LSM12: variants seen among roughly 807,000 people sequenced by gnomAD.
LSM12 encodes the protein protein LSM12.
For missense variants in LSM12, 108 were observed against 238.9 expected (o/e 0.45, Z 3.61); for synonymous variants, 74 against 87.3 (o/e 0.85, Z 0.85).
At chr17:44,062,331 G>C (rs2049808594) in intron 2 of LSM12, among the ~76,000 whole-genome samples, 1 of 151,994 alleles carries the variant, frequency 6.6e-6, no homozygotes. Context: ...TCCCAGGTTG[G>C]ACTACAAATG....
chr17:44,062,412 G>A lies in LSM12; in HGVS notation c.258+1389C>T, dbSNP rs114674630. Among the ~76,000 whole-genome samples, 569 of 152,226 alleles carry A rather than the reference G, an allele frequency of 3.7e-3. 4 individuals carry two copies. The highest frequency in any genetic ancestry group is 0.012 in the African/African-American group (510 of 41,526). On this transcript the variant is annotated intron_variant, in intron 2 of 4. Coordinates refer to ENST00000293406, the MANE Select transcript of LSM12 (RefSeq NM_001371445.1). ...TAATGCAGGCAAATTACTTCAGCCTGGGTGATCAGAGAAGACTTCTTGGAA... is the reference window on the plus strand; with the variant it reads ...TAATGCAGGCAAATTACTTCAGCCTAGGTGATCAGAGAAGACTTCTTGGAA...
chr17:44,066,751 GAA>G, upstream of LSM12: 2 of 887,678 alleles, frequency 2.3e-6, no homozygotes, highest in Non-Finnish European at 2.9e-6. Context: ...GAGTGGGAAA[GAA>G]GAGGAAATAA....
intron 2 of LSM12, among the ~76,000 whole-genome samples, chr17:44,054,089 A>G (rs572824092): frequency 4.6e-4 from 70 of 152,176 alleles, no homozygotes; most frequent in Non-Finnish European, 9.0e-4. Context: ...GAGGACAACA[A>G]TTCTCCTACT....
chr17:44,047,065 A>T (rs1336069354), intron 2 of LSM12, among the ~76,000 whole-genome samples: 1 of 151,984 alleles, frequency 6.6e-6, no homozygotes, highest in Non-Finnish European at 1.5e-5. Context: ...CCACCTACTC[A>T]CCAACACTGG....
At chr17:44,050,429 A>G (rs2049628103) in intron 2 of LSM12, among the ~76,000 whole-genome samples, 1 of 151,776 alleles carries the variant, frequency 6.6e-6, no homozygotes, top group African/African-American at 2.4e-5. Context: ...ATTCTTAGCT[A>G]GCAACAAATA....
chr17:44,058,153 C>G (rs1023568538), intron 2 of LSM12, among the ~76,000 whole-genome samples: 6 of 151,648 alleles, frequency 4.0e-5, no homozygotes, highest in Non-Finnish European at 7.4e-5. Flanking sequence ...AGGAGAATGG[C>G]GTGAACCCAG....
At chr17:44,055,507 CAAAAAAAAAAA>C (rs893366294) in intron 2 of LSM12, among the ~76,000 whole-genome samples, 11 of 65,000 alleles carry the variant, frequency 1.7e-4, no homozygotes, top group South Asian at 1.6e-3. Context: ...ACCAAAAATA[CAAAAAAAAAAA>C]AAAAAAAAAT....
intron 2 of LSM12, among the ~76,000 whole-genome samples, chr17:44,055,655 TGA>T (rs2049702219): frequency 6.8e-6 from 1 of 146,464 alleles, no homozygotes; most frequent in Non-Finnish European, 1.5e-5. Flanking sequence ...CTAGCCTGGG[TGA>T]GAGTGAGACC....
intron 1 of LSM12, among the ~76,000 whole-genome samples, chr17:44,065,373 G>A (rs1017670657): frequency 5.9e-5 from 9 of 151,300 alleles, no homozygotes; most frequent in South Asian, 2.1e-4. Context: ...CCAGGGAGTC[G>A]GAGGTTGCAG....
At chr17:44,057,437 C>A (rs113062723) in intron 2 of LSM12, among the ~76,000 whole-genome samples, 7 of 150,412 alleles carry the variant, frequency 4.7e-5, no homozygotes, top group African/African-American at 1.7e-4. Context: ...CGTGAGCCAC[C>A]GTGCCTGGGT....
intron 2 of LSM12, among the ~76,000 whole-genome samples, chr17:44,042,566 ATTTTTT>A (rs72404001): frequency 8.7e-6 from 1 of 115,412 alleles, no homozygotes; most frequent in East Asian, 2.7e-4. Flanking sequence ...CCCCCAGCTA[ATTTTTT>A]TTTTTTTTTT....
rs1039218186 is a variant in LSM12, at chr17:44,060,022, G to A, written c.258+3779C>T. ...TACTAAAAATACAAAAAAATTAGCCGGACATGGTGGCGGGCGCCTGTAGTC... is the reference window on the plus strand; with the variant it reads ...TACTAAAAATACAAAAAAATTAGCCAGACATGGTGGCGGGCGCCTGTAGTC... On this transcript the variant is annotated intron_variant, in intron 2 of 4. Transcript: ENST00000293406. Among the ~76,000 whole-genome samples, 9 of 151,950 alleles carry A rather than the reference G, an allele frequency of 5.9e-5. No homozygotes were observed. In the East Asian group the frequency reaches 9.7e-4, roughly 16 times the overall value.
chr17:44,054,344 C>G (rs1387474256), intron 2 of LSM12, among the ~76,000 whole-genome samples: 1 of 152,160 alleles, frequency 6.6e-6, no homozygotes, highest in Non-Finnish European at 1.5e-5. Flanking sequence ...CAGGGTCTCA[C>G]TCTGTCACCC....
At chr17:44,041,326 C>CACACAA (rs1555623720) in intron 2 of LSM12, among the ~76,000 whole-genome samples, 191 of 142,414 alleles carry the variant, frequency 1.3e-3, no homozygotes, top group African/African-American at 4.2e-3. Flanking sequence ...CACACACACA[C>CACACAA]ACACACAAAC....
chr17:44,060,152 A>G (rs1468479465), intron 2 of LSM12, among the ~76,000 whole-genome samples: 1 of 151,998 alleles, frequency 6.6e-6, no homozygotes, highest in Non-Finnish European at 1.5e-5. Context: ...GCGACAGAGC[A>G]AGACTTCGTC....
chr17:44,046,649 G>C (rs2049570396), intron 2 of LSM12, among the ~76,000 whole-genome samples: 1 of 144,198 alleles, frequency 6.9e-6, no homozygotes, highest in South Asian at 2.4e-4. Flanking sequence ...GGAGCTTGCA[G>C]TGAGCTGAGA....
intron 2 of LSM12, among the ~76,000 whole-genome samples, chr17:44,042,039 T>C (rs9889226): frequency 0.91 from 138,621 of 152,282 alleles, 63,196 homozygotes; most frequent in East Asian, 1. Context: ...ATAATCCCAG[T>C]ACTTTGTGAG....
intron 3 of LSM12, among the ~76,000 whole-genome samples, chr17:44,037,935 C>T (rs556781098): frequency 6.6e-6 from 1 of 152,310 alleles, no homozygotes; most frequent in South Asian, 2.1e-4. Context: ...ACAACTAGCA[C>T]TGAGTTCTGC....
At chr17:44,052,130 TAGCC>T (rs2049652703) in intron 2 of LSM12, among the ~76,000 whole-genome samples, 1 of 151,514 alleles carries the variant, frequency 6.6e-6, no homozygotes, top group South Asian at 2.1e-4. Context: ...AAGTTTAAAT[TAGCC>T]AGGCACGGTG....
Sources: gnomAD v4.1 joint callset for allele counts (sites outside exome capture counted in the v4.1 genomes callset) on GRCh38, gnomAD v4.1.1 for gene constraint, MANE v1.5 for transcripts, NCBI Gene and HGNC (gene_info 2026-07-23, HGNC 2026-07-21) for gene names.